Variants in WDFY4 observed in about 807,000 individuals in gnomAD.
WDFY4 encodes the protein WD repeat- and FYVE domain-containing protein 4.
WDFY4 carries 169 observed loss-of-function variants against 351.9 expected under a neutral mutation model. The ratio of observed to expected loss-of-function variants is 0.48; its 90% confidence interval spans 0.42 to 0.55. WDFY4 has a LOEUF of 0.55. WDFY4 is among the 20% of genes least tolerant of loss of function. The probability of loss-of-function intolerance (pLI) is 0.00; values close to 1 mark genes in which losing one functional copy is unlikely to be tolerated. For missense variants in WDFY4, 3,803 were observed against 3,935.6 expected (o/e 0.97, Z 0.90); for synonymous variants, 1,622 against 1,574.6 (o/e 1.03, Z -0.71).
Position 48,901,839 on chromosome 10 carries a change from C to G in WDFY4, c.7562C>G (p.Thr2521Ser). The G allele has an allele frequency of 6.4e-6, 10 of 1,551,598 alleles. No individual in the cohort carries two copies. Among genetic ancestry groups the G allele is most frequent in the Non-Finnish European group, 8.7e-6 (10 of 1,146,880 alleles). The change falls in exon 47 of 62, where the codon ACC (threonine) becomes AGC (serine). Residue 2521 changes from threonine (T) to serine (S), a missense_variant. Thr to Ser is a moderately conservative substitution (Grantham distance 58). Coordinates refer to ENST00000325239, the MANE Select transcript of WDFY4 (RefSeq NM_001394531.1). ...SFQPSLKGKA[T>S]SEDTLSLRRY... ...CAACCCAGCCTGAAGGGGAAAGCCA[C>G]CTCGGAGGACACCCTCAGTCTAAGG...
chr10:48,964,834 G>A lies in WDFY4; in HGVS notation c.8436+780G>A, dbSNP rs544800003. 1.2e-3 allele frequency among the ~76,000 whole-genome samples: 183 copies of A among 152,334 alleles called. 1 individual carries two copies. Among genetic ancestry groups the A allele is most frequent in the African/African-American group, 4.4e-3 (181 of 41,578 alleles). On this transcript the variant is annotated intron_variant, in intron 54 of 61. Transcript: ENST00000325239. ...TCCTTGAACTGTGGTTGTGTGTGGAGGTGTTTTGTTCCAGCCTTCCCCACA... is the reference window on the plus strand; with the variant it reads ...TCCTTGAACTGTGGTTGTGTGTGGAAGTGTTTTGTTCCAGCCTTCCCCACA...
chr10:48,976,464 G>C (rs1184196330), intron 58 of WDFY4: 1 of 185,812 alleles, frequency 5.4e-6, no homozygotes, highest in Non-Finnish European at 1.1e-5. Flanking sequence ...TGTGTCCAAA[G>C]CCAGGGCTAC....
intron 13 of WDFY4, among the ~76,000 whole-genome samples, chr10:48,767,956 T>C (rs761575268): frequency 4.6e-5 from 7 of 152,006 alleles, no homozygotes; most frequent in Non-Finnish European, 8.8e-5. Context: ...GCAGGCAGGC[T>C]CTCTACAGAT....
chr10:48,863,103 G>A (rs946795919), intron 39 of WDFY4, among the ~76,000 whole-genome samples: 1 of 151,998 alleles, frequency 6.6e-6, no homozygotes, highest in Non-Finnish European at 1.5e-5. Context: ...TTCATCAGTT[G>A]GTGGACATTT....
chr10:48,697,530 G>A (rs558136664), intron 1 of WDFY4, among the ~76,000 whole-genome samples: 2 of 152,356 alleles, frequency 1.3e-5, no homozygotes, highest in Admixed American at 6.5e-5. Flanking sequence ...AAGCTCACCA[G>A]GCATCTGATG....
intron 39 of WDFY4, among the ~76,000 whole-genome samples, chr10:48,840,403 G>GACACAC: frequency 7.4e-6 from 1 of 134,756 alleles, no homozygotes; most frequent in African/African-American, 3.0e-5. Flanking sequence ...CTCTTCCCTT[G>GACACAC]ACACACACAC....
rs907369110 is a variant in WDFY4 at position 48,805,341 on chromosome 10, C to T, written c.4566C>T (p.Leu1522=). 6.5e-7 allele frequency: 1 copy of T among 1,549,146 alleles called. No individual in the cohort carries two copies. Among genetic ancestry groups the T allele is most frequent in the Non-Finnish European group, 8.7e-7 (1 of 1,146,900 alleles). Residue 1522 remains leucine, a synonymous_variant, in exon 26 of 62, where the codon CTC becomes CTT. Coordinates refer to ENST00000325239, the MANE Select transcript of WDFY4 (RefSeq NM_001394531.1). ...KLIFLFNEPS[L]IPSKISTIIG... is the part of the protein sequence containing the mutation. ...TCTTCCTATTCAATGAGCCGAGCCTCATCCCCTCCAAGATCTCCACCATCA... is the reference window on the plus strand; with the variant it reads ...TCTTCCTATTCAATGAGCCGAGCCTTATCCCCTCCAAGATCTCCACCATCA...
intron 2 of WDFY4, among the ~76,000 whole-genome samples, chr10:48,716,631 C>T (rs552773429): frequency 1.3e-5 from 2 of 152,248 alleles, no homozygotes; most frequent in East Asian, 3.9e-4. Context: ...CATCGAGGTC[C>T]CAGGAAGGAG....
At chr10:48,877,290 T>TG in intron 43 of WDFY4, 91 bp downstream of exon 43, 1 of 1,195,200 alleles carries the variant, frequency 8.4e-7, no homozygotes, top group Non-Finnish European at 1.2e-6. Context: ...GCCACTTACA[T>TG]GGGGAATGAG....
At chr10:48,819,359 T>A (rs2067732591) in intron 32 of WDFY4, among the ~76,000 whole-genome samples, 1 of 152,238 alleles carries the variant, frequency 6.6e-6, no homozygotes, top group Non-Finnish European at 1.5e-5. Context: ...TGTGAATTTA[T>A]ATGGCATCTT....
chr10:48,828,739 A>T (rs2068085730), intron 36 of WDFY4, 39 bp from the exon 37 acceptor site: 9 of 1,232,560 alleles, frequency 7.3e-6, no homozygotes, highest in Non-Finnish European at 8.0e-6. Flanking sequence ...AGGAAACTGG[A>T]ATTTATTGGA....
rs1565182378 is a variant in WDFY4 at position 48,774,567 on chromosome 10, C to T, written c.2663C>T (p.Ala888Val). 2 of 1,551,562 alleles carry T rather than the reference C, an allele frequency of 1.3e-6. No homozygotes were observed. Among genetic ancestry groups the T allele is most frequent in the East Asian group, 2.4e-5 (1 of 40,920 alleles). ...CEAGLLGTLM[A>V]SCHRALVTSG... ...GCAGGCTTGCTTGGGACCCTCATGG[C>T]CTCCTGCCACAGGGCCCTGGTCACC... is the stretch of plus-strand genomic sequence containing the variant. The change falls in exon 14 of 62, where the codon GCC becomes GTC. Residue 888 changes from alanine to valine, a missense_variant. Ala to Val is a moderately conservative substitution (Grantham distance 64). Coordinates refer to ENST00000325239, the MANE Select transcript of WDFY4 (RefSeq NM_001394531.1).
intron 39 of WDFY4, among the ~76,000 whole-genome samples, chr10:48,856,620 A>G (rs2069142894): frequency 6.6e-6 from 1 of 152,190 alleles, no homozygotes; most frequent in Admixed American, 6.5e-5. Flanking sequence ...CTCAACAAGT[A>G]GTAACTTCTT....
rs1040303249 is a variant in WDFY4, at chr10:48,805,554, G to A, written c.4646+133G>A. On this transcript the variant is annotated intron_variant, in intron 26 of 61. Coordinates refer to ENST00000325239, the MANE Select transcript of WDFY4 (RefSeq NM_001394531.1). The stretch of plus-strand genomic sequence containing the variant: ...AACCTTCTAGGAATTTTTGCCCAGG[G>A]CTGAGAGTTGGGGAAAGGATGGTTT... 5.5e-6 allele frequency: 7 copies of A among 1,261,518 alleles called. No homozygotes were observed. In the Admixed American group the frequency reaches 1.6e-4, roughly 30 times the overall value. 78.1% of individuals were successfully genotyped at this position (1,261,518 alleles called of 1,614,324 possible).
chr10:48,863,440 T>C (rs570265314), intron 39 of WDFY4, among the ~76,000 whole-genome samples: 1 of 152,208 alleles, frequency 6.6e-6, no homozygotes, highest in Non-Finnish European at 1.5e-5. Flanking sequence ...TGCATTTCTC[T>C]GATGACAAAT....
chr10:48,902,014 C>T (rs902036254), intron 47 of WDFY4, among the ~76,000 whole-genome samples, 151 bp downstream of exon 47: 1 of 152,230 alleles, frequency 6.6e-6, no homozygotes, highest in Non-Finnish European at 1.5e-5. Context: ...CATCCTTCAT[C>T]CTACTCCTGA....
intron 12 of WDFY4, among the ~76,000 whole-genome samples, chr10:48,746,290 G>A (rs914716556): frequency 6.6e-6 from 1 of 152,158 alleles, no homozygotes; most frequent in African/African-American, 2.4e-5. Flanking sequence ...TATTCTTATG[G>A]AGTCTAAATT....
At chr10:48,720,517 C>T (rs1299922986) in intron 3 of WDFY4, among the ~76,000 whole-genome samples, 1 of 151,830 alleles carries the variant, frequency 6.6e-6, no homozygotes, top group African/African-American at 2.4e-5. Context: ...CAGACATACA[C>T]ACTACACACA....
chr10:48,685,030 G>A (rs2063004101), intron 1 of WDFY4, 29 bp downstream of exon 1: 1 of 152,484 alleles, frequency 6.6e-6, no homozygotes, highest in Admixed American at 6.5e-5. Flanking sequence ...GGCCCAGCCA[G>A]GCCAGCCTAG....
Sources: gnomAD v4.1 joint callset for allele counts (sites outside exome capture counted in the v4.1 genomes callset) on GRCh38, gnomAD v4.1.1 for gene constraint, MANE v1.5 for transcripts, NCBI Gene and HGNC (gene_info 2026-07-23, HGNC 2026-07-21) for gene names.